The following CAMSAP2 variants were observed in gnomAD, a reference collection of about 807,000 sequenced individuals.
The protein encoded by CAMSAP2 is calmodulin regulated spectrin associated protein family member 2.
A neutral mutation model predicts 146.1 loss-of-function variants in CAMSAP2; 26 were observed. The observed-to-expected ratio is 0.18, with a 90% confidence interval of 0.13 to 0.25. CAMSAP2 has a LOEUF of 0.25. CAMSAP2 is among the 10% of genes least tolerant of loss of function. The pLI is 1.00. For synonymous variants in CAMSAP2, 499 were observed against 596.6 expected, an observed-to-expected ratio of 0.84 and a Z score of 2.38; for missense variants, 1,381 against 1,759.3, an observed-to-expected ratio of 0.78 and a Z score of 3.85.
chr1:200,832,362 C>T lies in CAMSAP2; in HGVS notation c.787+21C>T, dbSNP rs756447322. On this transcript the variant is annotated intron_variant, in intron 5 of 16. Transcript: ENST00000358823. The surrounding 1 kb of genome is among the most constrained non-coding windows in gnomAD (Gnocchi z 4.2). ...AGAGGGTAAGTGTTCCATTGTAATACTTCTGAACTGTAGACAGATAGTAAC... is the reference window on the plus strand; with the variant it reads ...AGAGGGTAAGTGTTCCATTGTAATATTTCTGAACTGTAGACAGATAGTAAC... 6 of 1,598,984 alleles carry T rather than the reference C, an allele frequency of 3.8e-6. No individual in the cohort carries two copies. Among genetic ancestry groups the T allele is most frequent in the South Asian group, 1.1e-5 (1 of 87,888 alleles).
At chr1:200,765,662 A>G (rs757140175) in intron 2 of CAMSAP2, among the ~76,000 whole-genome samples, 1 of 152,210 alleles carries the variant, frequency 6.6e-6, no homozygotes, top group Non-Finnish European at 1.5e-5. Context: ...ACTTTAAGCA[A>G]TAGATACTGA....
At chr1:200,743,117 A>G (rs565963858) in intron 1 of CAMSAP2, among the ~76,000 whole-genome samples, 17 of 152,336 alleles carry the variant, frequency 1.1e-4, no homozygotes, top group African/African-American at 3.1e-4. Context: ...TGCCTTTTCT[A>G]TATTTGAAGA....
At position 200,848,270 on chromosome 1, in the gene CAMSAP2, T is replaced by G. The variant is rs775722411; in HGVS notation, c.1501T>G (p.Cys501Gly). The change falls in exon 11 of 17, where the codon TGT (cysteine) becomes GGT (glycine). Residue 501 changes from cysteine to glycine, a missense_variant. By Grantham distance (159) the Cys-to-Gly change is radical. Transcript: ENST00000358823. ...NIDSHSDLKS[C>G]VPLNTNELNS... is the part of the protein sequence containing the mutation. The stretch of plus-strand genomic sequence containing the variant: ...AGATTCTCACAGTGACCTCAAATCT[T>G]GTGTGCCCCTTAACACAAATGAACT... The G allele has an allele frequency of 1.2e-6, 2 of 1,613,488 alleles. No homozygotes were observed. The highest frequency in any genetic ancestry group is 4.5e-5 in the East Asian group (2 of 44,862).
rs746788270 is a variant in CAMSAP2 at position 200,807,452 on chromosome 1, C to T, written c.476C>T (p.Ala159Val). 1.4e-5 allele frequency: 23 copies of T among 1,602,116 alleles called. No homozygotes were observed. The highest frequency in any genetic ancestry group is 3.3e-5 in the South Asian group (3 of 90,726). ...VEMVSIEKVI[A>V]CAQQYSAFFQ... is the part of the protein sequence containing the mutation. ...ATGGTCAGTATAGAAAAAGTAATTG[C>T]GTGTGCTCAGCAGTATTCAGCTTTT... Residue 159 changes from alanine (A) to valine (V), a missense_variant, in exon 3 of 17, where the codon GCG becomes GTG. This residue lies in a region of CAMSAP2 where 284 missense variants were observed against 406.9 expected (regional missense o/e 0.70). Coordinates refer to ENST00000358823, the MANE Select transcript of CAMSAP2 (RefSeq NM_203459.4).
intron 6 of CAMSAP2, among the ~76,000 whole-genome samples, chr1:200,838,461 G>T (rs1458073572): frequency 3.4e-5 from 5 of 149,090 alleles, no homozygotes. Flanking sequence ...ATGTTTTACT[G>T]ACTGTTTTTT....
chr1:200,744,905 A>G (rs2102985138), intron 1 of CAMSAP2, among the ~76,000 whole-genome samples: 1 of 152,232 alleles, frequency 6.6e-6, no homozygotes, highest in East Asian at 1.9e-4. Context: ...AGACAAACGG[A>G]CAGAATTATG....
At chr1:200,825,157 T>C (rs1008629255) in intron 4 of CAMSAP2, among the ~76,000 whole-genome samples, 2 of 152,172 alleles carry the variant, frequency 1.3e-5, no homozygotes, top group African/African-American at 4.8e-5. Context: ...TGTTAATTGG[T>C]TTCTGTATTC....
At chr1:200,841,676 A>G (rs574363505) in intron 6 of CAMSAP2, among the ~76,000 whole-genome samples, 181 of 152,262 alleles carry the variant, frequency 1.2e-3, no homozygotes, top group African/African-American at 4.1e-3. Context: ...ATAACTTTTT[A>G]AGTTGCTTAT....
chr1:200,747,651 T>C (rs563040080), intron 1 of CAMSAP2, among the ~76,000 whole-genome samples: 2 of 152,342 alleles, frequency 1.3e-5, no homozygotes, highest in Admixed American at 6.5e-5. Flanking sequence ...TTCTCTGTGA[T>C]TCTTTTAGCT....
At chr1:200,825,861 CT>C (rs1666892662) in intron 4 of CAMSAP2, among the ~76,000 whole-genome samples, 1 of 152,170 alleles carries the variant, frequency 6.6e-6, no homozygotes, top group Admixed American at 6.5e-5. Flanking sequence ...GCCATAGTTT[CT>C]TCAACTATGT....
intron 2 of CAMSAP2, among the ~76,000 whole-genome samples, chr1:200,776,350 A>T (rs892361329): frequency 2.6e-5 from 4 of 152,230 alleles, no homozygotes; most frequent in African/African-American, 9.6e-5. Flanking sequence ...CTGGTAGGTG[A>T]AACTGGACCA....
Position 200,807,363 on chromosome 1 carries a change from T to G in CAMSAP2, c.400-13T>G. 1 of 1,479,122 alleles carries G rather than the reference T, an allele frequency of 6.8e-7. No homozygotes were observed. Among genetic ancestry groups the G allele is most frequent in the Non-Finnish European group, 9.0e-7 (1 of 1,108,668 alleles). The allele number at this position is 1,479,122 out of a possible 1,614,324, so 91.6% of individuals were successfully genotyped here. On this transcript the variant is annotated splice_polypyrimidine_tract_variant and intron_variant, in intron 2 of 16. Coordinates refer to ENST00000358823, the MANE Select transcript of CAMSAP2 (RefSeq NM_203459.4). ...TAATTTTTAAACTATTTGTTCTTGTTTTATATTTTCAGAGTGCACATTTGG... is the reference window on the plus strand; with the variant it reads ...TAATTTTTAAACTATTTGTTCTTGTGTTATATTTTCAGAGTGCACATTTGG...
chr1:200,760,089 A>G (rs1364112684), intron 1 of CAMSAP2, among the ~76,000 whole-genome samples: 2 of 152,090 alleles, frequency 1.3e-5, no homozygotes, highest in African/African-American at 4.8e-5. Context: ...GAAACTTCGG[A>G]GGAGATTTTG....
At chr1:200,778,651 T>A (rs889180853) in intron 2 of CAMSAP2, among the ~76,000 whole-genome samples, 2 of 152,218 alleles carry the variant, frequency 1.3e-5, no homozygotes, top group Non-Finnish European at 2.9e-5. Flanking sequence ...TACCTGCATT[T>A]TTACCAGTTT....
chr1:200,755,074 C>G (rs1664612219), intron 1 of CAMSAP2, among the ~76,000 whole-genome samples: 1 of 152,150 alleles, frequency 6.6e-6, no homozygotes, highest in African/African-American at 2.4e-5. Context: ...CATTTCCTTA[C>G]TTTCTGGCAC....
chr1:200,852,330 A>AT (rs890588850), intron 11 of CAMSAP2, among the ~76,000 whole-genome samples: 5 of 152,200 alleles, frequency 3.3e-5, no homozygotes, highest in Non-Finnish European at 7.3e-5. Flanking sequence ...GTGTAATTAA[A>AT]TAAGTTTGCC....
chr1:200,805,361 CT>C, intron 2 of CAMSAP2, among the ~76,000 whole-genome samples: 1 of 152,238 alleles, frequency 6.6e-6, no homozygotes, highest in East Asian at 1.9e-4. Flanking sequence ...CTTTCCTTTC[CT>C]TTCTTTAGCC....
chr1:200,749,954 C>A (rs1377919345), intron 1 of CAMSAP2, among the ~76,000 whole-genome samples: 1 of 152,042 alleles, frequency 6.6e-6, no homozygotes, highest in Non-Finnish European at 1.5e-5. Flanking sequence ...ATGTGACTGG[C>A]AGGGATAGGA....
At chr1:200,814,226 C>G (rs1010766162) in intron 3 of CAMSAP2, among the ~76,000 whole-genome samples, 4 of 151,830 alleles carry the variant, frequency 2.6e-5, no homozygotes, top group Non-Finnish European at 4.4e-5. Flanking sequence ...CTGTCTTCTT[C>G]CCCTCCCCGA....
Sources: allele counts gnomAD v4.1 joint callset (sites outside exome capture counted in the v4.1 genomes callset), GRCh38; gene constraint gnomAD v4.1.1; regional missense constraint gnomAD v4.1.1; non-coding constraint Gnocchi (gnomAD v3.1); transcripts MANE v1.5; gene names NCBI Gene and HGNC (gene_info 2026-07-23, HGNC 2026-07-21).